COL15A1: variants seen among roughly 807,000 people sequenced by gnomAD.
The protein encoded by COL15A1 is collagen alpha-1(XV) chain.
COL15A1 carries 111 observed loss-of-function variants against 165.9 expected under a neutral mutation model. The ratio of observed to expected loss-of-function variants is 0.67; its 90% CI spans 0.57 to 0.78. The LOEUF (loss-of-function observed/expected upper bound fraction) is 0.78, where lower values mean the gene tolerates loss of function less well. Among genes scored for constraint, COL15A1 ranks in the 30% least tolerant of loss-of-function variants. The pLI, the probability that COL15A1 is intolerant of heterozygous loss-of-function variation, is 0.00. For synonymous variants in COL15A1, 659 were observed against 674.8 expected, an observed-to-expected ratio of 0.98 and a Z score of 0.36; for missense variants, 1,745 against 1,789.7, an observed-to-expected ratio of 0.98 and a Z score of 0.45.
chr9:98,956,395 C>T (rs1363261061), intron 2 of COL15A1, among the ~76,000 whole-genome samples: 1 of 152,104 alleles, frequency 6.6e-6, no homozygotes, highest in Non-Finnish European at 1.5e-5. Context: ...TTTTTATGTG[C>T]CAGGTGCTGT....
chr9:99,040,610 G>C lies in COL15A1; in HGVS notation c.2511+54G>C. The C allele has an allele frequency of 2.5e-6, 4 of 1,614,072 alleles. No homozygotes were observed. The Admixed American group carries it at 6.7e-5, about 27-fold the overall frequency. ...TGTGCCCCGTGGCTGCGATCATTCT[G>C]TTCCTTCCACCTAGAATGGCATTTC... On this transcript the variant is annotated intron_variant, in intron 23 of 41. Transcript: ENST00000375001.
In COL15A1 at chr9:99,046,226, G is replaced by C. The variant is rs187554842; in HGVS notation, c.2679+1456G>C. ...TTCTTCTAATTTGCATGAAGGTGCT[G>C]TGTGGGCTAGCTGTGGCCCTAGTGA... On this transcript the variant is annotated intron_variant, in intron 26 of 41. Coordinates refer to ENST00000375001, the MANE Select transcript of COL15A1 (RefSeq NM_001855.5). Among the ~76,000 whole-genome samples, 245 of 152,346 alleles carry C rather than the reference G, an allele frequency of 1.6e-3. 2 individuals carry two copies. The highest frequency in any genetic ancestry group is 5.6e-3 in the African/African-American group (232 of 41,578).
chr9:98,982,655 T>C (rs2118875632), intron 2 of COL15A1, among the ~76,000 whole-genome samples: 1 of 151,962 alleles, frequency 6.6e-6, no homozygotes, highest in African/African-American at 2.4e-5. Flanking sequence ...TTTTCTTTTT[T>C]TTTTTAGACA....
At chr9:99,002,748 T>C (rs1218503625) in intron 7 of COL15A1, among the ~76,000 whole-genome samples, 1 of 152,248 alleles carries the variant, frequency 6.6e-6, no homozygotes, top group African/African-American at 2.4e-5. Context: ...CAAATGACTT[T>C]GGGAAATGCT....
At chr9:98,955,573 G>A (rs1157355798) in intron 2 of COL15A1, among the ~76,000 whole-genome samples, 1 of 152,242 alleles carries the variant, frequency 6.6e-6, no homozygotes, top group African/African-American at 2.4e-5. Flanking sequence ...CACACTGAAA[G>A]ACCACCCTGC....
chr9:99,052,728 G>A (rs1402439078), intron 31 of COL15A1, among the ~76,000 whole-genome samples: 2 of 152,164 alleles, frequency 1.3e-5, no homozygotes, highest in South Asian at 4.1e-4. Context: ...TCCTTACTTG[G>A]TATGATCTGC....
chr9:99,028,105 G>C (rs1839158120), intron 16 of COL15A1, among the ~76,000 whole-genome samples: 1 of 152,196 alleles, frequency 6.6e-6, no homozygotes, highest in Admixed American at 6.5e-5. Flanking sequence ...CACTTATAGG[G>C]AAGTCTTTCC....
intron 22 of COL15A1, among the ~76,000 whole-genome samples, chr9:99,039,521 C>CA (rs918099486): frequency 7.9e-5 from 12 of 151,986 alleles, no homozygotes; most frequent in East Asian, 3.9e-4. Flanking sequence ...AACAAACAAA[C>CA]AAAAAAAACC....
At chr9:98,970,523 C>A (rs1276100766) in intron 2 of COL15A1, among the ~76,000 whole-genome samples, 1 of 152,204 alleles carries the variant, frequency 6.6e-6, no homozygotes, top group Non-Finnish European at 1.5e-5. Flanking sequence ...CTGTGGGCTC[C>A]TCTGTAAATA....
rs1205488356 is a variant in COL15A1, at chr9:99,015,960, C to T, written c.1504-16C>T. Reference sequence around the variant, plus strand: ...AGCGAGGTGAGGTGGTGCCTTAATGCTGGTTTTGTTTTCAGGGTCCTGGTG... The same window carrying T: ...AGCGAGGTGAGGTGGTGCCTTAATGTTGGTTTTGTTTTCAGGGTCCTGGTG... On this transcript the variant is annotated splice_polypyrimidine_tract_variant and intron_variant, in intron 10 of 41. Transcript: ENST00000375001. The T allele has an allele frequency of 4.3e-6, 7 of 1,611,696 alleles. No homozygotes were observed. Among genetic ancestry groups the T allele is most frequent in the Non-Finnish European group, 5.9e-6 (7 of 1,178,932 alleles).
rs3818760 is a variant in COL15A1 at position 98,997,090 on chromosome 9, G to A, written c.952+9G>A. The stretch of plus-strand genomic sequence containing the variant: ...CAGCAGCCCCAAACAAGGCAAGTCC[G>A]GATGCACATGCCTACGTAGTGGCCT... On this transcript the variant is annotated intron_variant, in intron 6 of 41. Coordinates refer to ENST00000375001, the MANE Select transcript of COL15A1 (RefSeq NM_001855.5). The A allele has an allele frequency of 0.012, 19,167 of 1,614,056 alleles. 1,107 individuals are homozygous for A. The Admixed American group carries it at 0.13, about 11-fold the overall frequency.
Position 99,047,933 on chromosome 9 carries a change from GGT to G in COL15A1, c.2734-7_2734-6del. ...AGGGTTTACTGAGGTGTCTGCTGTG[GGT>G]TCCAGGGTCGCCCAGGACTGAATGG... On this transcript the variant is annotated splice_polypyrimidine_tract_variant and splice_region_variant and intron_variant, in intron 27 of 41. Coordinates refer to ENST00000375001, the MANE Select transcript of COL15A1 (RefSeq NM_001855.5). The G allele has an allele frequency of 6.2e-7, 1 of 1,610,276 alleles. No individual in the cohort carries two copies. Among genetic ancestry groups the G allele is most frequent in the Non-Finnish European group, 8.5e-7 (1 of 1,176,682 alleles).
chr9:99,035,252 C>A lies in COL15A1; in HGVS notation c.2220+98C>A, dbSNP rs76112333. 9 of 1,591,394 alleles carry A rather than the reference C, an allele frequency of 5.7e-6. No homozygotes were observed. In the African/African-American group the frequency reaches 9.4e-5, roughly 17 times the overall value. ...CCCTGGTCTCAGGGCAGAGGCTGTG[C>A]GGATTCCCCTGTGAGCCGCCAGCTT... On this transcript the variant is annotated intron_variant, in intron 18 of 41. Transcript: ENST00000375001.
intron 9 of COL15A1, among the ~76,000 whole-genome samples, chr9:99,013,700 A>G (rs962742783): frequency 1.3e-5 from 2 of 152,210 alleles, no homozygotes; most frequent in African/African-American, 4.8e-5. Context: ...CAAAGAGGTC[A>G]GGTCTTACAA....
chr9:99,058,044 G>T (rs1327036233), intron 35 of COL15A1, among the ~76,000 whole-genome samples: 1 of 152,136 alleles, frequency 6.6e-6, no homozygotes, highest in Non-Finnish European at 1.5e-5. Context: ...CAGAGCCAGG[G>T]ACTCAACCCC....
intron 2 of COL15A1, among the ~76,000 whole-genome samples, chr9:98,977,480 G>A (rs1250084012): frequency 2.6e-5 from 4 of 152,238 alleles, no homozygotes; most frequent in South Asian, 2.1e-4. Flanking sequence ...AGGCCCAGGC[G>A]CAGCCGCGAG....
chr9:99,055,106 T>C lies in COL15A1; in HGVS notation c.3036T>C (p.Pro1012=). The C allele has an allele frequency of 6.2e-7, 1 of 1,611,654 alleles. No homozygotes were observed. The highest frequency in any genetic ancestry group is 8.5e-7 in the Non-Finnish European group (1 of 1,177,688). The change falls in exon 33 of 42, where the codon CCT becomes CCC. Residue 1012 remains proline, a synonymous_variant. Coordinates refer to ENST00000375001, the MANE Select transcript of COL15A1 (RefSeq NM_001855.5). ...TACGAAGCATTTCTTTTTCAGGTCC[T>C]CCACTTGATCTAGCTTACCTGAGAC... The part of the protein sequence containing the change: ...GDQGAQGPPG[P]PLDLAYLRHF...
intron 2 of COL15A1, among the ~76,000 whole-genome samples, chr9:98,966,775 CTG>C (rs991126464): frequency 3.5e-4 from 53 of 152,324 alleles, no homozygotes; most frequent in African/African-American, 1.2e-3. Flanking sequence ...ACAATCGACT[CTG>C]TGTGGTTATT....
intron 9 of COL15A1, among the ~76,000 whole-genome samples, chr9:99,011,826 A>G (rs1257117242): frequency 6.6e-6 from 1 of 152,208 alleles, no homozygotes; most frequent in African/African-American, 2.4e-5. Flanking sequence ...GAAAACTGCA[A>G]TAGTCATTAT....
Sources: gnomAD v4.1 joint callset for allele counts (sites outside exome capture counted in the v4.1 genomes callset) on GRCh38, gnomAD v4.1.1 for gene constraint, MANE v1.5 for transcripts, NCBI Gene and HGNC (gene_info 2026-07-23, HGNC 2026-07-21) for gene names.